Variants in GUK1 observed in about 807,000 individuals in gnomAD.
GUK1 encodes guanylate kinase.
In GUK1, 18 loss-of-function variants were observed where a neutral mutation model predicts 25.2. That is an observed-to-expected ratio of 0.71 (90% CI 0.49 to 1.06). The LOEUF is 1.06. GUK1 is among the 50% of genes least tolerant of loss of function. The pLI, the probability that GUK1 is intolerant of heterozygous loss-of-function variation, is 0.00. For missense variants in GUK1, 261 were observed against 276.7 expected (o/e 0.94, Z 0.40); for synonymous variants, 105 against 117.6 (o/e 0.89, Z 0.69).
rs1018357184 is a variant in GUK1, at chr1:228,145,761, C to A, written c.112+137C>A. 9 of 1,052,972 alleles carry A rather than the reference C, an allele frequency of 8.5e-6. No individual in the cohort carries two copies. In the South Asian group the frequency reaches 9.6e-5, roughly 11 times the overall value. 65.2% of individuals were successfully genotyped at this position (1,052,972 alleles called of 1,614,324 possible). On this transcript the variant is annotated intron_variant, in intron 3 of 8. Coordinates refer to ENST00000312726, the MANE Select transcript of GUK1 (RefSeq NM_000858.7). ...CTGTCCGAACTCTTGCACACTCCCC[C>A]CCACACAGAACCTGAGGTTATCACA...
chr1:228,141,628 C>T (rs1558110159), intron 2 of GUK1: 2 of 1,190,908 alleles, frequency 1.7e-6, no homozygotes, highest in South Asian at 1.6e-5. Flanking sequence ...CTGTTCAGTC[C>T]TTAGGATGGC....
upstream of GUK1, chr1:228,140,270 C>A (rs898177305): frequency 8.0e-5 from 122 of 1,523,284 alleles, no homozygotes; most frequent in Non-Finnish European, 9.9e-5. Flanking sequence ...GGCGCTGTCA[C>A]GTAGGTTCAG....
At position 228,148,833 on chromosome 1, in the gene GUK1, G is replaced by A. The variant is rs1454406373; in HGVS notation, c.*136G>A. The stretch of plus-strand genomic sequence containing the variant: ...GAGTGGAGGAGATGCTGCCCCTGTG[G>A]TTGGAACATCCTGGGGTGACCCCCG... On this transcript the variant is annotated 3_prime_UTR_variant, in exon 9 of 9. Transcript: ENST00000312726. 7.7e-6 allele frequency: 12 copies of A among 1,555,614 alleles called. No homozygotes were observed. In the Admixed American group the frequency reaches 2.3e-4, roughly 30 times the overall value.
intron 3 of GUK1, 196 bp from the exon 3 acceptor site, chr1:228,145,830 T>G: frequency 1.4e-6 from 1 of 709,594 alleles, no homozygotes; most frequent in Non-Finnish European, 2.4e-6. Flanking sequence ...CCTGGGTCTG[T>G]TGAGTACTGA....
chr1:228,141,588 G>A (rs1287812046), intron 2 of GUK1: 4 of 1,035,040 alleles, frequency 3.9e-6, no homozygotes, highest in Non-Finnish European at 4.8e-6. Context: ...GCATCTCCTC[G>A]AACAGTGGGC....
chr1:228,146,616 C>T lies in GUK1; in HGVS notation c.155-226C>T, dbSNP rs1458605760. On this transcript the variant is annotated intron_variant, in intron 4 of 8. Coordinates refer to ENST00000312726, the MANE Select transcript of GUK1 (RefSeq NM_000858.7). ...CTCCCAACTCCCCACTGGAACCCAG[C>T]AGTCTCGTATCTCCATCAGTGAGGA... The T allele has an allele frequency of 1.1e-5, 6 of 565,772 alleles. No homozygotes were observed. In the Admixed American group the frequency reaches 1.5e-4, roughly 14 times the overall value. The allele number at this position is 565,772 out of a possible 1,614,324, so 35.0% of individuals were successfully genotyped here. A position where few individuals can be genotyped will look rare whatever the true frequency, so the allele number is the denominator to read the frequency against.
chr1:228,142,341 C>T (rs1229918823), intron 2 of GUK1, among the ~76,000 whole-genome samples: 3 of 152,042 alleles, frequency 2.0e-5, no homozygotes, highest in African/African-American at 4.8e-5. Flanking sequence ...ATGTGTGCCT[C>T]GTGCCCTGTG....
At chr1:228,141,837 C>T (rs1293524018) in intron 2 of GUK1, 3 of 1,179,892 alleles carry the variant, frequency 2.5e-6, no homozygotes, top group Non-Finnish European at 3.3e-6. Context: ...CAGGTCCTTA[C>T]AGTTGTGGGT....
intron 2 of GUK1, among the ~76,000 whole-genome samples, chr1:228,142,751 A>T (rs1423518651): frequency 6.6e-6 from 1 of 151,626 alleles, no homozygotes; most frequent in Non-Finnish European, 1.5e-5. Context: ...CATTCCTGGG[A>T]GTTGGAAGTG....
Position 228,147,499 on chromosome 1 carries a change from G to A in GUK1, c.345G>A (p.Leu115=). The change falls in exon 6 of 9, where the codon CTG becomes CTA. Residue 115 remains leucine, a synonymous_variant. Coordinates refer to ENST00000312726, the MANE Select transcript of GUK1 (RefSeq NM_000858.7). Reference sequence around the variant, plus strand: ...TGCGGAACATCAAGGCCACCGATCTGCGGCCCATCTACATCTCTGTGCAGC... The same window carrying A: ...TGCGGAACATCAAGGCCACCGATCTACGGCCCATCTACATCTCTGTGCAGC... 4 of 1,613,306 alleles carry A rather than the reference G, an allele frequency of 2.5e-6. No homozygotes were observed. Among genetic ancestry groups the A allele is most frequent in the Non-Finnish European group, 3.4e-6 (4 of 1,179,962 alleles).
At chr1:228,140,123 C>A (rs2033960043), upstream of GUK1, 2 of 585,554 alleles carry the variant, frequency 3.4e-6, no homozygotes, top group East Asian at 3.2e-5. Flanking sequence ...TCGCGACAGG[C>A]CAGCGCAGGT....
rs776222121 is a variant in GUK1, at chr1:228,147,673, C to T, written c.449C>T (p.Ala150Val). The change falls in exon 7 of 9, where the codon GCT becomes GTT. Residue 150 changes from alanine to valine, a missense_variant. Ala to Val is a moderately conservative substitution (Grantham distance 64). Coordinates refer to ENST00000312726, the MANE Select transcript of GUK1 (RefSeq NM_000858.7). ...GAGGAGAGCCTGGTGAAGCGGCTGG[C>T]TGCTGCCCAGGCCGACATGGAGAGC... is the stretch of plus-strand genomic sequence containing the variant. 2 of 1,612,868 alleles carry T rather than the reference C, an allele frequency of 1.2e-6. No homozygotes were observed. The highest frequency in any genetic ancestry group is 1.7e-6 in the Non-Finnish European group (2 of 1,179,950).
intron 3 of GUK1, 69 bp downstream of exon 2, chr1:228,145,693 C>A: frequency 6.5e-7 from 1 of 1,547,472 alleles, no homozygotes; most frequent in Non-Finnish European, 8.8e-7. Context: ...GCACCGTGAG[C>A]AGGCCAGGAG....
chr1:228,140,513 G>A (rs1206647644), intron 1 of GUK1, 150 bp downstream of exon 1: 8 of 646,658 alleles, frequency 1.2e-5, no homozygotes, highest in Admixed American at 7.3e-5. Context: ...TGAGAACGGG[G>A]GAGCTCTGGA....
At chr1:228,146,097 C>T in intron 4 of GUK1, 30 bp downstream of exon 3, 2 of 1,544,064 alleles carry the variant, frequency 1.3e-6, no homozygotes, top group Non-Finnish European at 1.8e-6. Context: ...ATGGCTGGAG[C>T]ACCCCCAGTG....
chr1:228,145,719 C>G, intron 3 of GUK1, 95 bp downstream of exon 2: 1 of 1,418,498 alleles, frequency 7.0e-7, no homozygotes, highest in Non-Finnish European at 9.6e-7. Context: ...ACCCAACAGG[C>G]ACACCCACCC....
intron 6 of GUK1, 30 bp downstream of exon 5, chr1:228,147,574 G>T (rs1571897852): frequency 1.9e-6 from 3 of 1,612,962 alleles, no homozygotes; most frequent in Non-Finnish European, 2.5e-6. Flanking sequence ...GGGGGCTGGG[G>T]GCCAGGGCAT....
chr1:228,147,810 T>A, intron 7 of GUK1, 111 bp downstream of exon 6: 1 of 880,878 alleles, frequency 1.1e-6, no homozygotes, highest in Non-Finnish European at 1.7e-6. Context: ...CTGGAGTCCC[T>A]GTGAGGGTCC....
intron 4 of GUK1, 52 bp from the exon 4 acceptor site, chr1:228,146,790 C>A: frequency 2.4e-6 from 3 of 1,253,294 alleles, no homozygotes; most frequent in Non-Finnish European, 3.5e-6. Flanking sequence ...TGGCCCTGGG[C>A]ACCCTGGTGC....
Sources: allele counts gnomAD v4.1 joint callset (sites outside exome capture counted in the v4.1 genomes callset), GRCh38; gene constraint gnomAD v4.1.1; transcripts MANE v1.5; gene names NCBI Gene and HGNC (gene_info 2026-07-23, HGNC 2026-07-21).